COL6A6: variants seen among roughly 807,000 people sequenced by gnomAD.
The protein encoded by COL6A6 is collagen alpha-6(VI) chain.
Under a neutral mutation model 208.6 loss-of-function variants are expected in COL6A6, and 183 were observed. The observed-to-expected ratio is 0.88, with a 90% CI of 0.78 to 0.99. The LOEUF is 0.99. Ranked by LOEUF, COL6A6 falls within the 50% of genes least tolerant of loss-of-function variation. The pLI, the probability that COL6A6 is intolerant of heterozygous loss-of-function variation, is 0.00. For synonymous variants in COL6A6, 973 were observed against 1,011.8 expected (o/e 0.96, Z 0.73); for missense variants, 2,816 against 2,815.2 (o/e 1.00, Z -0.01).
In COL6A6 at chr3:130,523,417, T is replaced by C. The variant is rs73870062; in HGVS notation, c.-32+6020T>C. Among the ~76,000 whole-genome samples, 1,372 of 152,316 alleles carry C rather than the reference T, an allele frequency of 9.0e-3. 23 individuals carry two copies. The highest frequency in any genetic ancestry group is 0.031 in the African/African-American group (1,297 of 41,560). Reference sequence around the variant, plus strand: ...CCAGACTGCCTTCAGTGCCAGCTACTGAAGTATCTGTTGTATGAATAATGA... The same window carrying C: ...CCAGACTGCCTTCAGTGCCAGCTACCGAAGTATCTGTTGTATGAATAATGA... On this transcript the variant is annotated intron_variant, in intron 1 of 36. Transcript: ENST00000358511.
chr3:130,646,340 C>G (rs1010999228), intron 32 of COL6A6: 1 of 152,246 alleles, frequency 6.6e-6, no homozygotes, highest in Non-Finnish European at 1.5e-5. Flanking sequence ...CTTGGGAGCC[C>G]GAGGCAGGCA....
At chr3:130,540,299 C>T (rs1443962664) in intron 1 of COL6A6, among the ~76,000 whole-genome samples, 2 of 152,298 alleles carry the variant, frequency 1.3e-5, no homozygotes, top group Admixed American at 6.5e-5. Flanking sequence ...CCTCTATCAG[C>T]GTGGGATATC....
At chr3:130,519,785 T>C (rs1710958054) in intron 1 of COL6A6, among the ~76,000 whole-genome samples, 1 of 152,198 alleles carries the variant, frequency 6.6e-6, no homozygotes, top group African/African-American at 2.4e-5. Context: ...ACAATGGTGA[T>C]GGCGATGGTG....
At chr3:130,592,478 G>A (rs1393564170) in intron 13 of COL6A6, 63 bp from the exon 14 acceptor site, 2 of 1,358,494 alleles carry the variant, frequency 1.5e-6, no homozygotes, top group African/African-American at 1.5e-5. Flanking sequence ...AACTTGTCAA[G>A]TTTTCAAGAC....
In COL6A6 at chr3:130,565,323, G is replaced by A; in HGVS notation, c.991G>A (p.Gly331Arg). Residue 331 changes from glycine (G) to arginine (R), a missense_variant, in exon 4 of 37, where the codon GGG (glycine) becomes AGG (arginine). Gly to Arg is a moderately radical substitution (Grantham distance 125). Coordinates refer to ENST00000358511, the MANE Select transcript of COL6A6 (RefSeq NM_001102608.3). Reference sequence around the variant, plus strand: ...ACGGAATGGCAGTCGGAAGAATCAGGGGGTGCCCCAGATTGCCGTGCTGGT... The same window carrying A: ...ACGGAATGGCAGTCGGAAGAATCAGAGGGTGCCCCAGATTGCCGTGCTGGT... ...SARNGSRKNQ[G>R]VPQIAVLVTH... 1 of 1,613,902 alleles carries A rather than the reference G, an allele frequency of 6.2e-7. No individual in the cohort carries two copies.
intron 3 of COL6A6, among the ~76,000 whole-genome samples, chr3:130,564,253 C>T (rs1229716241): frequency 6.6e-6 from 1 of 152,184 alleles, no homozygotes; most frequent in African/African-American, 2.4e-5. Flanking sequence ...TTCCTGCTGC[C>T]CTGTTCTGAA....
rs150763714 is a variant in COL6A6, at chr3:130,587,022, A to G, written c.4125+362A>G. Among the ~76,000 whole-genome samples, 1,320 of 152,302 alleles carry G rather than the reference A, an allele frequency of 8.7e-3. 18 individuals carry two copies. The highest frequency in any genetic ancestry group is 0.029 in the African/African-American group (1,190 of 41,560). ...TTAACCTCCACCAGCCAGTTTTCAC[A>G]CCGCTTGCAGATCCTAGGCATAACA... On this transcript the variant is annotated intron_variant, in intron 11 of 36. Transcript: ENST00000358511.
chr3:130,616,827 G>A (rs2064543279), intron 23 of COL6A6, among the ~76,000 whole-genome samples: 2 of 152,082 alleles, frequency 1.3e-5, no homozygotes, highest in African/African-American at 4.8e-5. Flanking sequence ...TACTAGCTCT[G>A]TGACCTTGGG....
chr3:130,531,502 C>T (rs1227579326), intron 1 of COL6A6, among the ~76,000 whole-genome samples: 1 of 152,222 alleles, frequency 6.6e-6, no homozygotes, highest in Non-Finnish European at 1.5e-5. Flanking sequence ...CTGCTGCCCA[C>T]ATAGCCTACA....
chr3:130,665,158 T>C, intron 36 of COL6A6, 62 bp downstream of exon 36: 2 of 1,114,034 alleles, frequency 1.8e-6, no homozygotes, highest in Non-Finnish European at 2.6e-6. Flanking sequence ...TCTATTTTCC[T>C]CCTCCTCCTT....
chr3:130,552,544 G>T (rs1193812741), intron 1 of COL6A6, among the ~76,000 whole-genome samples: 2 of 152,100 alleles, frequency 1.3e-5, no homozygotes, highest in African/African-American at 4.8e-5. Flanking sequence ...ATGTGAGATA[G>T]GTCTCTTGAA....
intron 36 of COL6A6, among the ~76,000 whole-genome samples, chr3:130,667,486 G>C (rs1279251971): frequency 4.6e-5 from 7 of 152,194 alleles, no homozygotes; most frequent in Non-Finnish European, 8.8e-5. Context: ...TGATCCACCC[G>C]CCTCAGCCTC....
At chr3:130,642,741 G>A in intron 29 of COL6A6, 91 bp from the exon 30 acceptor site, 7 of 1,166,262 alleles carry the variant, frequency 6.0e-6, no homozygotes, top group Non-Finnish European at 7.3e-6. Context: ...ACTTTTAAAA[G>A]TTATCACTTT....
At chr3:130,576,087 A>G (rs1342079746) in intron 8 of COL6A6, among the ~76,000 whole-genome samples, 1 of 152,166 alleles carries the variant, frequency 6.6e-6, no homozygotes, top group African/African-American at 2.4e-5. Context: ...TATCAGCTCC[A>G]TGGTCAACAA....
At chr3:130,546,351 C>T (rs556833575) in intron 1 of COL6A6, among the ~76,000 whole-genome samples, 34 of 151,570 alleles carry the variant, frequency 2.2e-4, no homozygotes, top group African/African-American at 7.8e-4. Context: ...CCAGTGGGTT[C>T]GTGGTCTCGC....
intron 7 of COL6A6, among the ~76,000 whole-genome samples, chr3:130,571,842 ATTT>A (rs67080729): frequency 9.0e-6 from 1 of 110,854 alleles, no homozygotes; most frequent in Admixed American, 1.0e-4. Flanking sequence ...GGCATGGCTA[ATTT>A]TTTTTTTTTT....
rs778498841 is a variant in COL6A6, at chr3:130,649,221, G to A, written c.5392G>A (p.Ala1798Thr). ...CCGGGAGAACAGCTGCCCCGTGGGA[G>A]CGCACATCGCCATCCTCTCCTATAA... Reference protein sequence around the residue: ...KVRENSCPVGAHIAILSYNSH... With the variant: ...KVRENSCPVGTHIAILSYNSH... Residue 1798 changes from alanine (A) to threonine (T), a missense_variant, in exon 33 of 37, where the codon GCG becomes ACG. By Grantham distance (58) the Ala-to-Thr change is moderately conservative. Transcript: ENST00000358511. 3.1e-6 allele frequency: 5 copies of A among 1,591,538 alleles called. No individual in the cohort carries two copies. Among genetic ancestry groups the A allele is most frequent in the Non-Finnish European group, 4.3e-6 (5 of 1,169,112 alleles).
intron 33 of COL6A6, among the ~76,000 whole-genome samples, chr3:130,651,425 CAAAAAA>C (rs35957602): frequency 6.6e-5 from 4 of 61,038 alleles, no homozygotes; most frequent in Non-Finnish European, 9.9e-5. Context: ...GACTCCATCT[CAAAAAA>C]AAAAAAAAAA....
At chr3:130,530,788 A>G (rs1162681898) in intron 1 of COL6A6, among the ~76,000 whole-genome samples, 1 of 152,138 alleles carries the variant, frequency 6.6e-6, no homozygotes, top group Non-Finnish European at 1.5e-5. Context: ...GATTACCCTC[A>G]GTAATGCATG....
Sources: allele counts gnomAD v4.1 joint callset (sites outside exome capture counted in the v4.1 genomes callset), GRCh38; gene constraint gnomAD v4.1.1; transcripts MANE v1.5; gene names NCBI Gene and HGNC (gene_info 2026-07-23, HGNC 2026-07-21).